The following CNTN2 variants were observed in gnomAD, a reference collection of about 807,000 sequenced individuals.
The protein encoded by CNTN2 is contactin-2.
A neutral mutation model predicts 117.5 loss-of-function variants in CNTN2; 53 were observed. That is an observed-to-expected ratio of 0.45 (90% CI 0.36 to 0.57). CNTN2 has a LOEUF of 0.57. CNTN2 is among the 20% of genes least tolerant of loss of function. The pLI, the probability that CNTN2 is intolerant of heterozygous loss-of-function variation, is 0.00. For synonymous variants in CNTN2, 530 were observed against 561.7 expected (o/e 0.94, Z 0.80); for missense variants, 1,106 against 1,404.3 (o/e 0.79, Z 3.39).
chr1:205,050,397 C>T (rs2096450603), intron 1 of CNTN2, among the ~76,000 whole-genome samples: 1 of 152,082 alleles, frequency 6.6e-6, no homozygotes, highest in South Asian at 2.1e-4. Context: ...TATATACAGA[C>T]TGTCCCTGAC....
chr1:205,049,041 C>A (rs2096447326), intron 1 of CNTN2, among the ~76,000 whole-genome samples: 2 of 151,710 alleles, frequency 1.3e-5, no homozygotes, highest in East Asian at 3.9e-4. Context: ...CCCAGGGCAA[C>A]CCCAGGTGCT....
chr1:205,064,233 CT>C, intron 10 of CNTN2, 88 bp from the exon 11 acceptor site: 4 of 1,411,760 alleles, frequency 2.8e-6, no homozygotes, highest in Middle Eastern at 1.9e-4. Flanking sequence ...ATAGGAGTCA[CT>C]CATGGCGTGG....
At position 205,075,026 on chromosome 1, in the gene CNTN2, C is replaced by A. The variant is rs913341862; in HGVS notation, c.*1261C>A. 7.0e-5 allele frequency: 28 copies of A among 397,486 alleles called. No homozygotes were observed. The highest frequency in any genetic ancestry group is 1.3e-4 in the Admixed American group (3 of 22,702). 24.6% of individuals were successfully genotyped at this position (397,486 alleles called of 1,614,324 possible). A position where few individuals can be genotyped will look rare whatever the true frequency, so the allele number is the denominator to read the frequency against. The stretch of plus-strand genomic sequence containing the variant: ...AGCCTTAGAGCTCAACTTCTTCAAG[C>A]CCCTCACTTTACAGATGAGGAAATG... On this transcript the variant is annotated 3_prime_UTR_variant, in exon 23 of 23. Transcript: ENST00000331830.
chr1:205,071,718 T>C (rs1374220443), intron 19 of CNTN2, among the ~76,000 whole-genome samples: 1 of 152,198 alleles, frequency 6.6e-6, no homozygotes, highest in Non-Finnish European at 1.5e-5. Context: ...GCTCCCTCCC[T>C]GACCCATGTC....
At position 205,053,191 on chromosome 1, in the gene CNTN2, G is replaced by A; in HGVS notation, c.6G>A (p.Gly2=). ...CCTCTGCCCGGACATCCACCATGGGGACAGCCACCAGGAGGAAGCCACACC... is the reference window on the plus strand; with the variant it reads ...CCTCTGCCCGGACATCCACCATGGGAACAGCCACCAGGAGGAAGCCACACC... The part of the protein sequence containing the change: M[G]TATRRKPHLL... The change falls in exon 2 of 23, where the codon GGG becomes GGA. Residue 2 remains glycine (G), a synonymous_variant. Transcript: ENST00000331830. The A allele has an allele frequency of 1.2e-6, 2 of 1,612,428 alleles. No homozygotes were observed. The highest frequency in any genetic ancestry group is 1.1e-5 in the South Asian group (1 of 90,764).
intron 16 of CNTN2, 186 bp downstream of exon 16, chr1:205,067,436 T>C: frequency 1.9e-6 from 1 of 532,678 alleles, no homozygotes; most frequent in South Asian, 4.3e-5. Context: ...ACAAACCATC[T>C]AGTCCAAACT....
intron 9 of CNTN2, 130 bp downstream of exon 9, chr1:205,062,131 C>T: frequency 8.5e-7 from 1 of 1,180,040 alleles, no homozygotes. Flanking sequence ...GAGGGTGGTC[C>T]TAGGACCACC....
chr1:205,054,817 G>A (rs1338708115), intron 2 of CNTN2, among the ~76,000 whole-genome samples: 1 of 152,104 alleles, frequency 6.6e-6, no homozygotes, highest in Non-Finnish European at 1.5e-5. Flanking sequence ...CCAGTGCAAG[G>A]AGGGGTATCA....
In CNTN2 at chr1:205,073,833, G is replaced by T; in HGVS notation, c.*68G>T. 7.5e-7 allele frequency: 1 copy of T among 1,339,826 alleles called. No homozygotes were observed. Among genetic ancestry groups the T allele is most frequent in the Non-Finnish European group, 1.1e-6 (1 of 948,984 alleles). 83.0% of individuals were successfully genotyped at this position (1,339,826 alleles called of 1,614,324 possible). ...CGACGGACACAGCCAGCCCCTTCCTGCTGCCAAGGTGGCCTGACACTGTGC... is the reference window on the plus strand; with the variant it reads ...CGACGGACACAGCCAGCCCCTTCCTTCTGCCAAGGTGGCCTGACACTGTGC... On this transcript the variant is annotated 3_prime_UTR_variant, in exon 23 of 23. Coordinates refer to ENST00000331830, the MANE Select transcript of CNTN2 (RefSeq NM_005076.5). The surrounding 1 kb of genome is among the most constrained non-coding windows in gnomAD (Gnocchi z 6.3).
chr1:205,068,898 C>T (rs1654438275), intron 16 of CNTN2: 1 of 152,212 alleles, frequency 6.6e-6, no homozygotes, highest in Non-Finnish European at 1.5e-5. Context: ...GAAATAAATT[C>T]CTGTTTTAAT....
At position 205,048,907 on chromosome 1, in the gene CNTN2, CTGCGTGTGTG is replaced by C. The variant is rs2096446876; in HGVS notation, c.-86-4190_-86-4181del. On this transcript the variant is annotated intron_variant, in intron 1 of 22. Transcript: ENST00000331830. This position sits in a 1 kb window ranked among gnomAD's most constrained non-coding sequence, Gnocchi z 4.1. ...GGAGCTCCAGCCTTTAGCCCAGACT[CTGCGTGTGTG>C]TGTGTGTGTGTGTGTGTGTGTGTGT... 7.4e-6 allele frequency among the ~76,000 whole-genome samples: 1 copy of C among 134,354 alleles called. No homozygotes were observed. The highest frequency in any genetic ancestry group is 1.6e-5 in the Non-Finnish European group (1 of 63,582). 88.1% of individuals were successfully genotyped at this position (134,354 alleles called of 152,430 possible). A position where few individuals can be genotyped will look rare whatever the true frequency, so the allele number is the denominator to read the frequency against.
In CNTN2 at chr1:205,067,495, T is replaced by A. The variant is rs552358300; in HGVS notation, c.2125+245T>A. ...TTACAACTGCATGTGCATCTATAAT[T>A]TTTTTAAGTTTAATTTTTAAAAGTG... is the stretch of plus-strand genomic sequence containing the variant. On this transcript the variant is annotated intron_variant, in intron 16 of 22. Coordinates refer to ENST00000331830, the MANE Select transcript of CNTN2 (RefSeq NM_005076.5). 11 of 404,988 alleles carry A rather than the reference T, an allele frequency of 2.7e-5. No individual in the cohort carries two copies. In the Admixed American group the frequency reaches 3.2e-4, roughly 12 times the overall value. 25.1% of individuals were successfully genotyped at this position (404,988 alleles called of 1,614,324 possible).
At position 205,076,943 on chromosome 1, in the gene CNTN2, T is replaced by G. The variant is rs756549465; in HGVS notation, c.*3178T>G. The G allele has an allele frequency of 1.3e-5, 2 of 152,110 alleles. No individual in the cohort carries two copies. Among genetic ancestry groups the G allele is most frequent in the African/African-American group, 2.4e-5 (1 of 41,432 alleles). 9.4% of individuals were successfully genotyped at this position (152,110 alleles called of 1,614,324 possible). On this transcript the variant is annotated 3_prime_UTR_variant, in exon 23 of 23. Transcript: ENST00000331830. ...AAGTAACAACAGACGAGACTGAGGT[T>G]AAACATCAGAAAAAAACCTCTGGAA...
intron 1 of CNTN2, among the ~76,000 whole-genome samples, chr1:205,052,269 AC>A (rs766815434): frequency 6.6e-6 from 1 of 152,172 alleles, no homozygotes; most frequent in Non-Finnish European, 1.5e-5. Flanking sequence ...CCTCCCAGGG[AC>A]TGGGAGTGAA....
In CNTN2 at chr1:205,058,695, G is replaced by A. The variant is rs1653799411; in HGVS notation, c.487+32G>A. The A allele has an allele frequency of 6.4e-7, 1 of 1,561,744 alleles. No individual in the cohort carries two copies. The highest frequency in any genetic ancestry group is 8.8e-7 in the Non-Finnish European group (1 of 1,138,552). Reference sequence around the variant, plus strand: ...CCAGACCTGGGGCCAGGGTTAGAGAGGGCACAGGAAGGGCTTCCAGATGCT... The same window carrying A: ...CCAGACCTGGGGCCAGGGTTAGAGAAGGCACAGGAAGGGCTTCCAGATGCT... On this transcript the variant is annotated intron_variant, in intron 5 of 22. Transcript: ENST00000331830. This position sits in a 1 kb window ranked among gnomAD's most constrained non-coding sequence, Gnocchi z 4.3.
Position 205,061,117 on chromosome 1 carries a change from T to C in CNTN2, c.798-128T>C. 1 of 1,046,504 alleles carries C rather than the reference T, an allele frequency of 9.6e-7. No homozygotes were observed. The highest frequency in any genetic ancestry group is 2.8e-5 in the Admixed American group (1 of 35,400). 64.8% of individuals were successfully genotyped at this position (1,046,504 alleles called of 1,614,324 possible). On this transcript the variant is annotated intron_variant, in intron 7 of 22. Transcript: ENST00000331830. The surrounding 1 kb of genome is among the most constrained non-coding windows in gnomAD (Gnocchi z 4.8). ...AGTGAGGATCAGCCAGAAGGCACCC[T>C]CTCTCCCTCTGTTCCTCCCAGGCCC...
In CNTN2 at chr1:205,059,766, C is replaced by T. The variant is rs1574644318; in HGVS notation, c.797+84C>T. The T allele has an allele frequency of 8.7e-7, 1 of 1,150,696 alleles. No homozygotes were observed. The highest frequency in any genetic ancestry group is 1.3e-6 in the Non-Finnish European group (1 of 765,036). The allele number at this position is 1,150,696 out of a possible 1,614,324, so 71.3% of individuals were successfully genotyped here. On this transcript the variant is annotated intron_variant, in intron 7 of 22. Coordinates refer to ENST00000331830, the MANE Select transcript of CNTN2 (RefSeq NM_005076.5). The surrounding 1 kb of genome is among the most constrained non-coding windows in gnomAD (Gnocchi z 5.6). The stretch of plus-strand genomic sequence containing the variant: ...AGGGTGAGGGCAGGCAGAGTCAGGG[C>T]TCTTATCTTGGTGTCCCTCACAGGG...
At chr1:205,043,113 G>C (rs2096434779), upstream of CNTN2, 1 of 152,380 alleles carries the variant, frequency 6.6e-6, no homozygotes, top group African/African-American at 2.4e-5. Context: ...CAGGGCCCCC[G>C]AGCGTTGGCT....
chr1:205,070,421 C>A lies in CNTN2; in HGVS notation c.2432-5C>A, dbSNP rs1259304684. The A allele has an allele frequency of 6.2e-7, 1 of 1,607,572 alleles. No homozygotes were observed. Among genetic ancestry groups the A allele is most frequent in the South Asian group, 1.1e-5 (1 of 90,444 alleles). On this transcript the variant is annotated splice_region_variant and splice_polypyrimidine_tract_variant and intron_variant, in intron 18 of 22. Coordinates refer to ENST00000331830, the MANE Select transcript of CNTN2 (RefSeq NM_005076.5). Reference sequence around the variant, plus strand: ...AATCCAAACCCATTCTGTATTGGTCCCCAGAGCCCAGGGTGGCCCCTACCA... The same window carrying A: ...AATCCAAACCCATTCTGTATTGGTCACCAGAGCCCAGGGTGGCCCCTACCA...
Sources: gnomAD v4.1 joint callset for allele counts (sites outside exome capture counted in the v4.1 genomes callset) on GRCh38, gnomAD v4.1.1 for gene constraint, Gnocchi (gnomAD v3.1) non-coding constraint, MANE v1.5 for transcripts, NCBI Gene and HGNC (gene_info 2026-07-23, HGNC 2026-07-21) for gene names.